CNTN1: variants seen among roughly 807,000 people sequenced by gnomAD.
CNTN1 encodes the protein contactin 1, also known as contactin-1.
In CNTN1, 38 loss-of-function variants were observed where a neutral mutation model predicts 126.4. The ratio of observed to expected loss-of-function variants is 0.30; its 90% confidence interval spans 0.23 to 0.39. The LOEUF (loss-of-function observed/expected upper bound fraction) is 0.39. Ranked by LOEUF, CNTN1 falls within the 10% of genes least tolerant of loss-of-function variation. The pLI is 1.00. For missense variants in CNTN1, 1,009 were observed against 1,248.4 expected, an observed-to-expected ratio of 0.81 and a Z score of 2.89; for synonymous variants, 413 against 422.6, an observed-to-expected ratio of 0.98 and a Z score of 0.28.
intron 1 of CNTN1, among the ~76,000 whole-genome samples, chr12:40,757,794 T>C (rs867419665): frequency 6.6e-5 from 10 of 152,176 alleles, no homozygotes; most frequent in South Asian, 2.1e-4. Flanking sequence ...CATTTATCTA[T>C]CTTAAGTTAG....
intron 15 of CNTN1, among the ~76,000 whole-genome samples, chr12:40,974,885 C>T (rs1947628406): frequency 6.6e-6 from 1 of 151,888 alleles, no homozygotes; most frequent in African/African-American, 2.4e-5. Flanking sequence ...ATAAATTTCC[C>T]CTTTTTGAAT....
chr12:40,770,797 A>G (rs1939306651), intron 1 of CNTN1, among the ~76,000 whole-genome samples: 1 of 152,178 alleles, frequency 6.6e-6, no homozygotes. Context: ...GACTTGATTC[A>G]TGCTTTTTCT....
intron 6 of CNTN1, among the ~76,000 whole-genome samples, chr12:40,926,519 T>C (rs929865748): frequency 3.3e-5 from 5 of 151,998 alleles, no homozygotes; most frequent in African/African-American, 1.2e-4. Flanking sequence ...ATACTTTGGC[T>C]TTTACTTTGA....
At chr12:40,933,931 C>T in intron 9 of CNTN1, 53 bp downstream of exon 9, 2 of 1,398,722 alleles carry the variant, frequency 1.4e-6, no homozygotes, top group South Asian at 2.4e-5. Flanking sequence ...TTATTTAGAG[C>T]CATTTCCATA....
intron 7 of CNTN1, among the ~76,000 whole-genome samples, chr12:40,930,852 G>T (rs965472434): frequency 6.6e-6 from 1 of 151,808 alleles, no homozygotes; most frequent in Non-Finnish European, 1.5e-5. Flanking sequence ...AAAAAATATT[G>T]TTGACTTTCT....
intron 1 of CNTN1, among the ~76,000 whole-genome samples, chr12:40,904,288 A>T (rs78480181): frequency 0.23 from 35,570 of 151,584 alleles, 4,685 homozygotes; most frequent in South Asian, 0.35. Flanking sequence ...AAAGTGCTGG[A>T]TTACAGGCGT....
intron 16 of CNTN1, among the ~76,000 whole-genome samples, chr12:40,984,123 A>G (rs1333054648): frequency 6.6e-6 from 1 of 151,004 alleles, no homozygotes; most frequent in Non-Finnish European, 1.5e-5. Flanking sequence ...ATATAAATAT[A>G]TATATTACAT....
At chr12:40,818,522 T>C (rs1049750242) in intron 1 of CNTN1, among the ~76,000 whole-genome samples, 18 of 152,200 alleles carry the variant, frequency 1.2e-4, no homozygotes, top group African/African-American at 4.3e-4. Flanking sequence ...CTCCATCATG[T>C]AATTTATATT....
chr12:41,026,393 A>G (rs1949038665), intron 21 of CNTN1, among the ~76,000 whole-genome samples: 1 of 152,228 alleles, frequency 6.6e-6, no homozygotes, highest in South Asian at 2.1e-4. Flanking sequence ...CAATAAAATG[A>G]ATAAATAGAC....
At chr12:40,943,188 A>T (rs1251234214) in intron 12 of CNTN1, among the ~76,000 whole-genome samples, 1 of 152,104 alleles carries the variant, frequency 6.6e-6, no homozygotes, top group Non-Finnish European at 1.5e-5. Context: ...ATATTTTTTA[A>T]AGTTTCTAAA....
chr12:40,865,395 T>C (rs1241894273), intron 1 of CNTN1, among the ~76,000 whole-genome samples: 1 of 152,142 alleles, frequency 6.6e-6, no homozygotes, highest in Non-Finnish European at 1.5e-5. Context: ...ATGCTTTTTG[T>C]ATCCTATGTA....
intron 17 of CNTN1, among the ~76,000 whole-genome samples, chr12:41,002,657 A>G (rs1364930760): frequency 6.6e-6 from 1 of 150,442 alleles, no homozygotes; most frequent in Non-Finnish European, 1.5e-5. Flanking sequence ...TCCCGGTTTA[A>G]CGCCATTCTC....
At chr12:40,819,227 T>A (rs1271485317) in intron 1 of CNTN1, among the ~76,000 whole-genome samples, 2 of 152,114 alleles carry the variant, frequency 1.3e-5, no homozygotes, top group Non-Finnish European at 2.9e-5. Context: ...GGGTGTGTTT[T>A]GCTGGGGGGA....
At chr12:40,979,878 C>T (rs1284105321) in intron 15 of CNTN1, among the ~76,000 whole-genome samples, 1 of 152,018 alleles carries the variant, frequency 6.6e-6, no homozygotes, top group Non-Finnish European at 1.5e-5. Context: ...CTATGAAAAC[C>T]TATTTTTAAC....
intron 13 of CNTN1, 84 bp from the exon 14 acceptor site, chr12:40,943,911 A>C: frequency 7.0e-7 from 1 of 1,419,482 alleles, no homozygotes; most frequent in South Asian, 1.2e-5. Context: ...ACAAATAAAA[A>C]TATATTGGTT....
intron 1 of CNTN1, among the ~76,000 whole-genome samples, chr12:40,894,384 T>C (rs1463494788): frequency 1.3e-5 from 2 of 152,148 alleles, no homozygotes; most frequent in African/African-American, 4.8e-5. Context: ...ATTTAAACTG[T>C]GAACTTTAGT....
intron 23 of CNTN1, among the ~76,000 whole-genome samples, chr12:41,043,337 A>G (rs1949462670): frequency 1.3e-5 from 2 of 152,130 alleles, no homozygotes; most frequent in Admixed American, 6.6e-5. Context: ...AAAAGTGGGC[A>G]AAGGACATGA....
intron 1 of CNTN1, among the ~76,000 whole-genome samples, chr12:40,725,157 T>A (rs548775358): frequency 6.6e-6 from 1 of 152,100 alleles, no homozygotes; most frequent in East Asian, 1.9e-4. Context: ...ATCCCAGCAC[T>A]TTGGGAGGCC....
At chr12:40,931,632 G>A (rs1372541) in intron 7 of CNTN1, among the ~76,000 whole-genome samples, 103,587 of 151,788 alleles carry the variant, frequency 0.68, 35,856 homozygotes, top group African/African-American at 0.8. Context: ...TAGCAATACA[G>A]TTTCATTTCT....
Sources: allele counts gnomAD v4.1 joint callset (sites outside exome capture counted in the v4.1 genomes callset), GRCh38; gene constraint gnomAD v4.1.1; transcripts MANE v1.5; gene names NCBI Gene and HGNC (gene_info 2026-07-23, HGNC 2026-07-21).